Variants in TULP4 observed in about 807,000 individuals in gnomAD.
TULP4 encodes the protein TUB like protein 4.
A neutral mutation model predicts 129.0 loss-of-function variants in TULP4; 16 were observed. That is an observed-to-expected ratio of 0.12 (90% CI 0.08 to 0.19). The LOEUF is 0.19. Ranked by LOEUF, TULP4 falls within the 10% of genes least tolerant of loss-of-function variation. The pLI is 1.00. For missense variants in TULP4, 1,842 were observed against 2,059.1 expected (o/e 0.89, Z 2.04); for synonymous variants, 998 against 854.0 (o/e 1.17, Z -2.94).
intron 1 of TULP4, among the ~76,000 whole-genome samples, chr6:158,277,220 C>T (rs11758440): frequency 7.2e-5 from 11 of 152,264 alleles, no homozygotes; most frequent in Non-Finnish European, 8.8e-5. Flanking sequence ...GGATTACAGG[C>T]GTGAGCCACC....
intron 1 of TULP4, among the ~76,000 whole-genome samples, chr6:158,287,519 C>A (rs575499487): frequency 6.6e-6 from 1 of 152,132 alleles, no homozygotes; most frequent in South Asian, 2.1e-4. Context: ...AAGTCCTTAC[C>A]CTTAAGTAAT....
chr6:158,256,501 G>T (rs1181823515), intron 1 of TULP4, among the ~76,000 whole-genome samples: 1 of 152,106 alleles, frequency 6.6e-6, no homozygotes, highest in Non-Finnish European at 1.5e-5. Flanking sequence ...AAACCTGTTG[G>T]CGGTTATAAA....
At chr6:158,270,242 T>C (rs1477799244) in intron 1 of TULP4, among the ~76,000 whole-genome samples, 2 of 152,208 alleles carry the variant, frequency 1.3e-5, no homozygotes, top group African/African-American at 2.4e-5. Flanking sequence ...AAATTGTCCT[T>C]ACTTGGTCCA....
chr6:158,314,826 G>A (rs1779451907), intron 1 of TULP4, among the ~76,000 whole-genome samples: 1 of 152,190 alleles, frequency 6.6e-6, no homozygotes, highest in Non-Finnish European at 1.5e-5. Flanking sequence ...CATGTATAGG[G>A]TATATTATAT....
At chr6:158,294,348 G>A (rs1378119760) in intron 1 of TULP4, among the ~76,000 whole-genome samples, 1 of 149,850 alleles carries the variant, frequency 6.7e-6, no homozygotes, top group Non-Finnish European at 1.5e-5. Context: ...GGGCGACAGA[G>A]CAAGACTCCA....
chr6:158,460,864 G>A (rs536098318), intron 5 of TULP4, among the ~76,000 whole-genome samples: 1 of 151,052 alleles, frequency 6.6e-6, no homozygotes, highest in South Asian at 2.1e-4. Flanking sequence ...AGTGGGACCA[G>A]TACTTATATG....
intron 9 of TULP4, among the ~76,000 whole-genome samples, chr6:158,491,314 GTCT>G (rs1441435045): frequency 3.9e-5 from 6 of 152,196 alleles, no homozygotes; most frequent in African/African-American, 7.2e-5. Flanking sequence ...CCACTTGGCT[GTCT>G]TCTTCTTTTG....
At chr6:158,323,480 T>C (rs1231494942) in intron 1 of TULP4, among the ~76,000 whole-genome samples, 2 of 152,246 alleles carry the variant, frequency 1.3e-5, no homozygotes, top group Non-Finnish European at 2.9e-5. Context: ...TTTATGCAAC[T>C]CTTCTGGTAA....
Position 158,358,402 on chromosome 6 carries a change from G to C in TULP4, c.252+44134G>C, listed in dbSNP as rs140162243. 2.5e-3 allele frequency among the ~76,000 whole-genome samples: 379 copies of C among 152,306 alleles called. 1 individual carries two copies. Among genetic ancestry groups the C allele is most frequent in the African/African-American group, 8.7e-3 (361 of 41,562 alleles). On this transcript the variant is annotated intron_variant, in intron 1 of 13. Transcript: ENST00000367097. ...TATTTAAACAAACCCATCAGTCCTTGTGGTATATTTACTTAGCACTTTATT... is the reference window on the plus strand; with the variant it reads ...TATTTAAACAAACCCATCAGTCCTTCTGGTATATTTACTTAGCACTTTATT...
intron 1 of TULP4, among the ~76,000 whole-genome samples, chr6:158,359,122 G>T (rs1441318197): frequency 2.6e-5 from 4 of 152,022 alleles, no homozygotes; most frequent in Non-Finnish European, 5.9e-5. Context: ...CTAATTTGTT[G>T]TTTATGTGAC....
rs780180758 is a variant in TULP4 at position 158,503,539 on chromosome 6, G to A, written c.3876G>A (p.Val1292=). The A allele has an allele frequency of 1.2e-6, 2 of 1,613,934 alleles. No homozygotes were observed. The highest frequency in any genetic ancestry group is 3.3e-5 in the Admixed American group (2 of 60,012). Residue 1292 remains valine, a synonymous_variant, in exon 13 of 14, where the codon GTG becomes GTA. Coordinates refer to ENST00000367097, the MANE Select transcript of TULP4 (RefSeq NM_020245.5). The surrounding 1 kb of genome is among the most constrained non-coding windows in gnomAD (Gnocchi z 4.3). ...ACTTGGTGGTGGAGAAGCCCCTTGTGTCCCCACCACCTGCCGACCTCCAAA... is the reference window on the plus strand; with the variant it reads ...ACTTGGTGGTGGAGAAGCCCCTTGTATCCCCACCACCTGCCGACCTCCAAA... The part of the protein sequence containing the change: ...KPHLVVEKPL[V]SPPPADLQSH...
chr6:158,420,261 T>C (rs556380045), intron 2 of TULP4, among the ~76,000 whole-genome samples: 1 of 152,260 alleles, frequency 6.6e-6, no homozygotes, highest in Admixed American at 6.5e-5. Context: ...GATTTTTTTC[T>C]TCTCAACCAC....
rs534422353 is a variant in TULP4 at position 158,491,390 on chromosome 6, GTTCTTTCT to G, written c.1631+1705_1631+1712del. 7.8e-3 allele frequency among the ~76,000 whole-genome samples: 1,145 copies of G among 146,810 alleles called. 12 individuals carry two copies. Among genetic ancestry groups the G allele is most frequent in the African/African-American group, 0.02 (772 of 39,488 alleles). Reference sequence around the variant, plus strand: ...TGGGTTGTTTTATTGAGTTATAAGAGTTCTTTCTTTCTTTCTTTCTTTCTTTCTTTCTT... The same window carrying G: ...TGGGTTGTTTTATTGAGTTATAAGAGTTCTTTCTTTCTTTCTTTCTTTCTT... On this transcript the variant is annotated intron_variant, in intron 9 of 13. Coordinates refer to ENST00000367097, the MANE Select transcript of TULP4 (RefSeq NM_020245.5).
chr6:158,464,427 C>T (rs911998697), intron 6 of TULP4, among the ~76,000 whole-genome samples: 1 of 152,126 alleles, frequency 6.6e-6, no homozygotes, highest in African/African-American at 2.4e-5. Flanking sequence ...TCAGGAGAAA[C>T]AATTGCTTGA....
intron 2 of TULP4, among the ~76,000 whole-genome samples, chr6:158,417,664 A>G (rs1778240900): frequency 6.6e-6 from 1 of 152,200 alleles, no homozygotes; most frequent in African/African-American, 2.4e-5. Flanking sequence ...GCACCTGGAA[A>G]AGTTCTGTGG....
intron 1 of TULP4, among the ~76,000 whole-genome samples, chr6:158,256,081 G>A (rs1041770347): frequency 2.0e-5 from 3 of 152,162 alleles, no homozygotes; most frequent in African/African-American, 4.8e-5. Flanking sequence ...TAACTCTCTA[G>A]TTACTTAAGC....
At chr6:158,243,808 A>G (rs1777971258) in intron 1 of TULP4, among the ~76,000 whole-genome samples, 2 of 150,968 alleles carry the variant, frequency 1.3e-5, no homozygotes, top group Admixed American at 1.3e-4. Flanking sequence ...AGGGATTACA[A>G]TATGGTTACA....
At chr6:158,282,143 T>C (rs909362404), upstream of TULP4, 1 of 152,218 alleles carries the variant, frequency 6.6e-6, no homozygotes, top group Non-Finnish European at 1.5e-5. Flanking sequence ...GAAAGAGTCA[T>C]GTTTCTAATA....
chr6:158,322,502 G>GTA (rs1779662637), intron 1 of TULP4, among the ~76,000 whole-genome samples: 1 of 152,120 alleles, frequency 6.6e-6, no homozygotes, highest in Admixed American at 6.6e-5. Context: ...TGTGAAAATG[G>GTA]TATATAAGTG....
Sources: gnomAD v4.1 joint callset for allele counts (sites outside exome capture counted in the v4.1 genomes callset) on GRCh38, gnomAD v4.1.1 for gene constraint, Gnocchi (gnomAD v3.1) non-coding constraint, MANE v1.5 for transcripts, NCBI Gene and HGNC (gene_info 2026-07-23, HGNC 2026-07-21) for gene names.